Variants in IFNAR1 observed in about 807,000 individuals in gnomAD.
IFNAR1 encodes interferon alpha/beta receptor 1.
In IFNAR1, 47 loss-of-function variants were observed where a neutral mutation model predicts 62.1. The observed-to-expected ratio is 0.76, with a 90% confidence interval of 0.60 to 0.97. The LOEUF (loss-of-function observed/expected upper bound fraction) is 0.97. IFNAR1 is among the 50% of genes least tolerant of loss of function. The pLI, the probability that IFNAR1 is intolerant of heterozygous loss-of-function variation, is 0.00. For missense variants in IFNAR1, 638 were observed against 654.5 expected, an observed-to-expected ratio of 0.97 and a Z score of 0.27; for synonymous variants, 219 against 226.9, an observed-to-expected ratio of 0.97 and a Z score of 0.31.
At chr21:33,343,824 G>A in intron 5 of IFNAR1, 148 bp downstream of exon 5, 4 of 553,984 alleles carry the variant, frequency 7.2e-6, no homozygotes, top group Non-Finnish European at 1.2e-5. Flanking sequence ...AATGTTACTT[G>A]GGATTTTTGT....
chr21:33,342,843 C>T (rs1292961478), intron 3 of IFNAR1, among the ~76,000 whole-genome samples: 11 of 151,832 alleles, frequency 7.2e-5, no homozygotes, highest in Non-Finnish European at 1.3e-4. Context: ...GGCGACAGAG[C>T]GAGACTCCGT....
chr21:33,334,562 G>T, intron 1 of IFNAR1: 1 of 530,374 alleles, frequency 1.9e-6, no homozygotes. Context: ...GAACTGCCCT[G>T]CGAGAAATGC....
In IFNAR1 at chr21:33,358,544, C is replaced by G. The variant is rs1308516418; in HGVS notation, c.*2995C>G. ...CTGTAAACATATATTCATATATGTA[C>G]CTGCACATGTACCCACCTGATGTAG... is the stretch of plus-strand genomic sequence containing the variant. On this transcript the variant is annotated 3_prime_UTR_variant, in exon 11 of 11. Transcript: ENST00000270139. 1 of 151,832 alleles carries G rather than the reference C, an allele frequency of 6.6e-6. No individual in the cohort carries two copies. Among genetic ancestry groups the G allele is most frequent in the African/African-American group, 2.4e-5 (1 of 41,312 alleles). The allele number at this position is 151,832 out of a possible 1,614,324, so 9.4% of individuals were successfully genotyped here.
chr21:33,355,460 T>A lies in IFNAR1; in HGVS notation c.1585T>A (p.Ser529Thr). 1 of 1,607,868 alleles carries A rather than the reference T, an allele frequency of 6.2e-7. No homozygotes were observed. Among genetic ancestry groups the A allele is most frequent in the Non-Finnish European group, 8.5e-7 (1 of 1,176,996 alleles). The change falls in exon 11 of 11, where the codon TCC becomes ACC. Residue 529 changes from serine to threonine, a missense_variant. By Grantham distance (58) the Ser-to-Thr change is moderately conservative (BLOSUM62 1). Coordinates refer to ENST00000270139, the MANE Select transcript of IFNAR1 (RefSeq NM_000629.3). ...TGATGAAGATCATAAAAAATACAGTTCCCAAACTAGCCAAGATTCAGGAAA... is the reference window on the plus strand; with the variant it reads ...TGATGAAGATCATAAAAAATACAGTACCCAAACTAGCCAAGATTCAGGAAA... ...QTDEDHKKYSSQTSQDSGNYS... is the reference protein window; with the variant it reads ...QTDEDHKKYSTQTSQDSGNYS...
chr21:33,325,054 A>G lies in IFNAR1; in HGVS notation c.-2A>G. The G allele has an allele frequency of 6.2e-7, 1 of 1,601,240 alleles. No individual in the cohort carries two copies. Among genetic ancestry groups the G allele is most frequent in the East Asian group, 2.3e-5 (1 of 44,308 alleles). On this transcript the variant is annotated 5_prime_UTR_variant, in exon 1 of 11. Transcript: ENST00000270139. The stretch of plus-strand genomic sequence containing the variant: ...ACTGGTGGGATCTGCGGCGGCTCCC[A>G]GATGATGGTCGTCCTCCTGGGCGCG...
In IFNAR1 at chr21:33,358,521, G is replaced by T. The variant is rs1310688285; in HGVS notation, c.*2972G>T. On this transcript the variant is annotated 3_prime_UTR_variant, in exon 11 of 11. Coordinates refer to ENST00000270139, the MANE Select transcript of IFNAR1 (RefSeq NM_000629.3). ...CCTGTGTCACTTCTGACATGAGCCT[G>T]TAAACATATATTCATATATGTACCT... is the stretch of plus-strand genomic sequence containing the variant. The T allele has an allele frequency of 6.6e-6, 1 of 151,880 alleles. No individual in the cohort carries two copies. The highest frequency in any genetic ancestry group is 1.5e-5 in the Non-Finnish European group (1 of 67,990). The allele number at this position is 151,880 out of a possible 1,614,324, so 9.4% of individuals were successfully genotyped here.
chr21:33,324,960 G>A, upstream of IFNAR1: 1 of 1,097,032 alleles, frequency 9.1e-7, no homozygotes. Context: ...CAGCGCGTGT[G>A]CAGAGGGGCG....
intron 8 of IFNAR1, among the ~76,000 whole-genome samples, chr21:33,350,433 A>G (rs942717821): frequency 6.6e-6 from 1 of 152,062 alleles, no homozygotes; most frequent in Non-Finnish European, 1.5e-5. Context: ...TTGCCCAACA[A>G]AATCTTATTC....
At chr21:33,341,301 A>C (rs978479439) in intron 3 of IFNAR1, 127 bp downstream of exon 3, 2 of 640,980 alleles carry the variant, frequency 3.1e-6, no homozygotes, top group African/African-American at 3.7e-5. Context: ...ATTCCCTTAA[A>C]CCTATATCTT....
At chr21:33,331,878 A>G (rs1206567254) in intron 1 of IFNAR1, among the ~76,000 whole-genome samples, 1 of 152,148 alleles carries the variant, frequency 6.6e-6, no homozygotes, top group African/African-American at 2.4e-5. Context: ...CCATAGGGGT[A>G]GAATCAAAGC....
intron 1 of IFNAR1, among the ~76,000 whole-genome samples, chr21:33,325,653 A>G (rs2083119738): frequency 6.6e-6 from 1 of 152,180 alleles, no homozygotes; most frequent in African/African-American, 2.4e-5. Context: ...TTCAGGGCGC[A>G]TCCGGGAAAA....
chr21:33,325,472 A>G (rs2083118287), intron 1 of IFNAR1, among the ~76,000 whole-genome samples: 2 of 152,260 alleles, frequency 1.3e-5, no homozygotes, highest in African/African-American at 4.8e-5. Flanking sequence ...TAAACAAAAC[A>G]TTTCCCGAAA....
intron 6 of IFNAR1, among the ~76,000 whole-genome samples, chr21:33,348,787 A>G (rs1415640251): frequency 1.3e-5 from 2 of 152,108 alleles, no homozygotes; most frequent in South Asian, 2.1e-4. Flanking sequence ...TGGGTGACAG[A>G]GCGAGACTCG....
At position 33,355,312 on chromosome 21, in the gene IFNAR1, T is replaced by C; in HGVS notation, c.1441-4T>C. The C allele has an allele frequency of 1.5e-6, 2 of 1,377,260 alleles. No homozygotes were observed. Among genetic ancestry groups the C allele is most frequent in the South Asian group, 2.7e-5 (2 of 74,618 alleles). 85.3% of individuals were successfully genotyped at this position (1,377,260 alleles called of 1,614,324 possible). On this transcript the variant is annotated splice_polypyrimidine_tract_variant and splice_region_variant and intron_variant, in intron 10 of 10. Transcript: ENST00000270139. ...TTTCTACTCTTTCCCTTTTTTTAAA[T>C]TAGTATTTCTCTGAACAGCCATTGA... is the stretch of plus-strand genomic sequence containing the variant.
intron 3 of IFNAR1, among the ~76,000 whole-genome samples, chr21:33,342,523 A>G (rs189771743): frequency 2.0e-5 from 3 of 152,090 alleles, no homozygotes; most frequent in Admixed American, 6.6e-5. Flanking sequence ...AGCCCTCTCC[A>G]TTCAAATTCT....
At chr21:33,325,212 G>C in intron 1 of IFNAR1, 81 bp downstream of exon 1, 1 of 1,236,222 alleles carries the variant, frequency 8.1e-7, no homozygotes, top group Admixed American at 2.0e-5. Flanking sequence ...GATGCTGTTG[G>C]GGGCGACAGA....
intron 8 of IFNAR1, among the ~76,000 whole-genome samples, chr21:33,351,595 C>A (rs2083398455): frequency 6.7e-6 from 1 of 148,716 alleles, no homozygotes; most frequent in Non-Finnish European, 1.5e-5. Flanking sequence ...TTTTCCCAGG[C>A]TGGAGTGCAC....
chr21:33,330,060 G>C (rs949518865), intron 1 of IFNAR1, among the ~76,000 whole-genome samples: 1 of 152,130 alleles, frequency 6.6e-6, no homozygotes, highest in African/African-American at 2.4e-5. Context: ...TGGTCTATTT[G>C]AGCTCTTAGT....
chr21:33,334,869 C>G, intron 1 of IFNAR1: 1 of 1,255,022 alleles, frequency 8.0e-7, no homozygotes, highest in Non-Finnish European at 1.2e-6. Flanking sequence ...GCAGTTAACA[C>G]AGAGGGGAAA....
Sources: allele counts gnomAD v4.1 joint callset (sites outside exome capture counted in the v4.1 genomes callset), GRCh38; gene constraint gnomAD v4.1.1; transcripts MANE v1.5; gene names NCBI Gene and HGNC (gene_info 2026-07-23, HGNC 2026-07-21).